HS3ST5: variants seen among roughly 807,000 people sequenced by gnomAD.
HS3ST5 encodes heparan sulfate glucosamine 3-O-sulfotransferase 5.
A neutral mutation model predicts 25.4 loss-of-function variants in HS3ST5; 10 were observed. The observed-to-expected ratio is 0.39, with a 90% confidence interval of 0.24 to 0.67. The LOEUF (loss-of-function observed/expected upper bound fraction) is 0.67. Among genes scored for constraint, HS3ST5 ranks in the 30% least tolerant of loss-of-function variants. The pLI is 0.44. For synonymous variants in HS3ST5, 170 were observed against 162.4 expected, an observed-to-expected ratio of 1.05 and a Z score of -0.36; for missense variants, 324 against 420.7, an observed-to-expected ratio of 0.77 and a Z score of 2.01.
intron 3 of HS3ST5, among the ~76,000 whole-genome samples, chr6:114,117,376 A>T (rs1776583344): frequency 6.6e-6 from 1 of 152,152 alleles, no homozygotes; most frequent in African/African-American, 2.4e-5. Context: ...GCAAAATCAG[A>T]AAATATGGGT....
chr6:114,202,877 T>C (rs765467106), intron 2 of HS3ST5, among the ~76,000 whole-genome samples: 3 of 152,200 alleles, frequency 2.0e-5, no homozygotes, highest in Non-Finnish European at 2.9e-5. Context: ...ACTGAAGTCA[T>C]AATTCCCTTC....
chr6:114,334,600 T>C lies in HS3ST5; in HGVS notation c.-339+7595A>G, dbSNP rs116586539. Among the ~76,000 whole-genome samples the C allele has an allele frequency of 8.8e-3, 1,337 of 152,330 alleles. 20 individuals are homozygous for C. Among genetic ancestry groups the C allele is most frequent in the African/African-American group, 0.03 (1,260 of 41,578 alleles). Reference sequence around the variant, plus strand: ...TGTTTAGATACACAAATCCTTAACATTGTATTACGACTGCTTACAGTATTC... The same window carrying C: ...TGTTTAGATACACAAATCCTTAACACTGTATTACGACTGCTTACAGTATTC... On this transcript the variant is annotated intron_variant, in intron 1 of 4. Transcript: ENST00000312719.
intron 2 of HS3ST5, among the ~76,000 whole-genome samples, chr6:114,201,615 C>T (rs1781018542): frequency 6.6e-6 from 1 of 152,146 alleles, no homozygotes; most frequent in Non-Finnish European, 1.5e-5. Context: ...TCCTCACGTT[C>T]TTCAAGACTT....
In HS3ST5 at chr6:114,190,137, T is replaced by A. The variant is rs541196844; in HGVS notation, c.-144-21675A>T. ...CTTCTGCCTAATTATTCCAAGTTCA[T>A]TGACTCTGTTTTTCTCTAGTCATGG... On this transcript the variant is annotated intron_variant, in intron 2 of 4. Transcript: ENST00000312719. 3.9e-5 allele frequency among the ~76,000 whole-genome samples: 6 copies of A among 152,312 alleles called. No individual in the cohort carries two copies. In the South Asian group the frequency reaches 1.2e-3, roughly 32 times the overall value.
At chr6:114,181,312 C>A (rs189809960) in intron 2 of HS3ST5, among the ~76,000 whole-genome samples, 9 of 152,240 alleles carry the variant, frequency 5.9e-5, no homozygotes, top group Admixed American at 3.9e-4. Context: ...CTGAATCACC[C>A]AAACCATGGA....
intron 3 of HS3ST5, among the ~76,000 whole-genome samples, chr6:114,125,746 C>T (rs1258979011): frequency 6.6e-6 from 1 of 152,214 alleles, no homozygotes; most frequent in African/African-American, 2.4e-5. Context: ...AATCATCGCA[C>T]AGTGTCTCAA....
In HS3ST5 at chr6:114,205,196, A is replaced by C. The variant is rs568488742; in HGVS notation, c.-145+23389T>G. Among the ~76,000 whole-genome samples the C allele has an allele frequency of 3.3e-5, 5 of 152,268 alleles. No homozygotes were observed. In the South Asian group the frequency reaches 1.0e-3, roughly 32 times the overall value. ...CACAAGGATGTCCCACTTCAGATGC[A>C]GTTTCAAGTCCTGGGTCCTCTGGCT... On this transcript the variant is annotated intron_variant, in intron 2 of 4. Coordinates refer to ENST00000312719, the MANE Select transcript of HS3ST5 (RefSeq NM_153612.4).
chr6:114,190,377 G>T (rs1407263262), intron 2 of HS3ST5, among the ~76,000 whole-genome samples: 3 of 152,024 alleles, frequency 2.0e-5, no homozygotes, highest in Non-Finnish European at 4.4e-5. Context: ...AACATTCTGG[G>T]GTTTCCAAAA....
At chr6:114,221,376 T>C (rs1782029111) in intron 2 of HS3ST5, among the ~76,000 whole-genome samples, 1 of 151,976 alleles carries the variant, frequency 6.6e-6, no homozygotes, top group South Asian at 2.1e-4. Flanking sequence ...TCAGTCCTCA[T>C]TTTTCTGATA....
At chr6:114,115,615 A>G (rs2114860699) in intron 3 of HS3ST5, among the ~76,000 whole-genome samples, 1 of 152,240 alleles carries the variant, frequency 6.6e-6, no homozygotes, top group Non-Finnish European at 1.5e-5. Context: ...TGCAAAAAAC[A>G]TGGCTAACTT....
At chr6:114,252,169 C>A (rs1439136671) in intron 1 of HS3ST5, among the ~76,000 whole-genome samples, 1 of 148,888 alleles carries the variant, frequency 6.7e-6, no homozygotes, top group Non-Finnish European at 1.5e-5. Context: ...AAAAAAAAAT[C>A]CATTAGTACT....
At chr6:114,324,427 G>A (rs894108414) in intron 1 of HS3ST5, among the ~76,000 whole-genome samples, 1 of 152,130 alleles carries the variant, frequency 6.6e-6, no homozygotes, top group Non-Finnish European at 1.5e-5. Context: ...TGGTACCATA[G>A]AACAAAATCC....
chr6:114,281,440 T>G (rs1774104606), intron 1 of HS3ST5, among the ~76,000 whole-genome samples: 1 of 151,976 alleles, frequency 6.6e-6, no homozygotes, highest in African/African-American at 2.4e-5. Context: ...TGGTAAGCTT[T>G]TACATAGCTT....
chr6:114,269,114 A>C (rs774645037), intron 1 of HS3ST5, among the ~76,000 whole-genome samples: 61 of 152,344 alleles, frequency 4.0e-4, no homozygotes, highest in Middle Eastern at 3.4e-3. Context: ...AAAAGAAGTA[A>C]GAAACAAACT....
intron 3 of HS3ST5, among the ~76,000 whole-genome samples, chr6:114,115,632 A>G (rs866718313): frequency 1.1e-4 from 17 of 152,116 alleles, no homozygotes; most frequent in Non-Finnish European, 5.9e-5. Context: ...ACTTGCTGTG[A>G]TCCTTCCCCA....
chr6:114,308,058 C>G (rs919683401), intron 1 of HS3ST5, among the ~76,000 whole-genome samples: 4 of 151,864 alleles, frequency 2.6e-5, no homozygotes, highest in Middle Eastern at 3.2e-3. Flanking sequence ...ACATTGTTCA[C>G]AGAGAGAAAA....
At chr6:114,242,629 G>T (rs915642222) in intron 1 of HS3ST5, among the ~76,000 whole-genome samples, 3 of 151,792 alleles carry the variant, frequency 2.0e-5, no homozygotes, top group Admixed American at 6.6e-5. Context: ...CGAGGCGGGT[G>T]GATCATGAGG....
chr6:114,139,103 C>G (rs1324813422), intron 3 of HS3ST5, among the ~76,000 whole-genome samples: 2 of 152,194 alleles, frequency 1.3e-5, no homozygotes, highest in Non-Finnish European at 2.9e-5. Context: ...CAGCACCATT[C>G]AGTCCCACAG....
intron 3 of HS3ST5, among the ~76,000 whole-genome samples, chr6:114,101,134 T>C (rs1378018034): frequency 6.6e-6 from 1 of 152,202 alleles, no homozygotes; most frequent in Non-Finnish European, 1.5e-5. Context: ...CGATTAAATG[T>C]AATATCTGGT....
Sources: gnomAD v4.1 joint callset for allele counts (sites outside exome capture counted in the v4.1 genomes callset) on GRCh38, gnomAD v4.1.1 for gene constraint, MANE v1.5 for transcripts, NCBI Gene and HGNC (gene_info 2026-07-23, HGNC 2026-07-21) for gene names.